ZNF510: variants seen among roughly 807,000 people sequenced by gnomAD.
The protein encoded by ZNF510 is zinc finger protein 510.
In ZNF510, 15 loss-of-function variants were observed where a neutral mutation model predicts 18.1. The observed-to-expected ratio is 0.83, with a 90% CI of 0.55 to 1.28. The LOEUF (loss-of-function observed/expected upper bound fraction) is 1.28. Ranked by LOEUF, ZNF510 falls within the 50% of genes most tolerant of loss-of-function variation. The probability of loss-of-function intolerance (pLI) is 0.00; values close to 1 mark genes in which losing one functional copy is unlikely to be tolerated. For missense variants in ZNF510, 724 were observed against 791.8 expected (o/e 0.91, Z 1.03); for synonymous variants, 261 against 266.4 (o/e 0.98, Z 0.20).
rs1466525375 is a variant in ZNF510, at chr9:96,754,839, A to G, written c.*3939T>C. Among the ~76,000 whole-genome samples the G allele has an allele frequency of 6.6e-6, 1 of 152,230 alleles. No individual in the cohort carries two copies. Among genetic ancestry groups the G allele is most frequent in the Non-Finnish European group, 1.5e-5 (1 of 68,040 alleles). On this transcript the variant is annotated 3_prime_UTR_variant, in exon 6 of 6. Transcript: ENST00000223428. Reference sequence around the variant, plus strand: ...GGACTGCTTCATGTGTTTGAGATACACTGTGAATAAAACAGACAAAAATTC... The same window carrying G: ...GGACTGCTTCATGTGTTTGAGATACGCTGTGAATAAAACAGACAAAAATTC...
In ZNF510 at chr9:96,758,501, A is replaced by G. The variant is rs1165656879; in HGVS notation, c.*277T>C. On this transcript the variant is annotated 3_prime_UTR_variant, in exon 6 of 6. Transcript: ENST00000223428. Reference sequence around the variant, plus strand: ...CCAGCCTGTGTGATGTGTGGGAGCTATCTAATAGGGTATGACTTCATTCAG... The same window carrying G: ...CCAGCCTGTGTGATGTGTGGGAGCTGTCTAATAGGGTATGACTTCATTCAG... The G allele has an allele frequency of 3.1e-5, 10 of 323,030 alleles. No individual in the cohort carries two copies. The highest frequency in any genetic ancestry group is 8.8e-5 in the Admixed American group (2 of 22,782). The allele number at this position is 323,030 out of a possible 1,614,324, so 20.0% of individuals were successfully genotyped here.
chr9:96,763,724 TAA>T, intron 3 of ZNF510, 92 bp from the exon 4 acceptor site: 1 of 1,261,310 alleles, frequency 7.9e-7, no homozygotes, highest in Non-Finnish European at 1.1e-6. Context: ...GGTTTAACTC[TAA>T]AAAGCTTAAA....
chr9:96,765,947 G>T (rs1564438295), intron 3 of ZNF510, among the ~76,000 whole-genome samples: 2 of 152,114 alleles, frequency 1.3e-5, no homozygotes, highest in African/African-American at 4.8e-5. Flanking sequence ...ATTAGTTATG[G>T]TGTTGTTGGC....
At position 96,759,460 on chromosome 9, in the gene ZNF510, T is replaced by C. The variant is rs753087156; in HGVS notation, c.1370A>G (p.Glu457Gly). The C allele has an allele frequency of 2.5e-6, 4 of 1,614,160 alleles. No homozygotes were observed. The change falls in exon 6 of 6, where the codon GAA (glutamate) becomes GGA (glycine). Residue 457 changes from glutamate to glycine, a missense_variant. Transcript: ENST00000223428. ...LSTHQRIHTA[E>G]KPYKCNECGK... ...ACATTCATTACATTTATAGGGTTTTTCTGCTGTATGAATTCTCTGATGAGT... is the reference window on the plus strand; with the variant it reads ...ACATTCATTACATTTATAGGGTTTTCCTGCTGTATGAATTCTCTGATGAGT...
At chr9:96,773,465 G>T (rs1849625128) in intron 3 of ZNF510, among the ~76,000 whole-genome samples, 1 of 152,124 alleles carries the variant, frequency 6.6e-6, no homozygotes, top group African/African-American at 2.4e-5. Context: ...TACAGGAAAA[G>T]AAAATTTGGA....
chr9:96,776,456 C>A (rs1253619058), intron 1 of ZNF510, among the ~76,000 whole-genome samples: 1 of 152,100 alleles, frequency 6.6e-6, no homozygotes, highest in Admixed American at 6.5e-5. Context: ...CACTAGGACA[C>A]CCCTTCTCCC....
chr9:96,763,814 G>A (rs888265595), intron 3 of ZNF510, 182 bp from the exon 4 acceptor site: 1 of 574,224 alleles, frequency 1.7e-6, no homozygotes, highest in Non-Finnish European at 2.7e-6. Context: ...AGTTTTTATA[G>A]GAGAGGTGCA....
At chr9:96,761,914 A>G (rs752338297) in intron 5 of ZNF510, among the ~76,000 whole-genome samples, 8 of 152,166 alleles carry the variant, frequency 5.3e-5, no homozygotes, top group Non-Finnish European at 1.0e-4. Context: ...ATTCCAGAGA[A>G]CATAATCATA....
rs1332713965 is a variant in ZNF510 at position 96,756,525 on chromosome 9, C to T, written c.*2253G>A. The T allele has an allele frequency of 6.6e-6, 1 of 152,226 alleles. No homozygotes were observed. Among genetic ancestry groups the T allele is most frequent in the Non-Finnish European group, 1.5e-5 (1 of 68,052 alleles). 9.4% of individuals were successfully genotyped at this position (152,226 alleles called of 1,614,324 possible). Reference sequence around the variant, plus strand: ...CAGCTGACATACTGTGGGGCCAGGACAGGTGCTTTCCTGAATGCCCCATTT... The same window carrying T: ...CAGCTGACATACTGTGGGGCCAGGATAGGTGCTTTCCTGAATGCCCCATTT... On this transcript the variant is annotated 3_prime_UTR_variant, in exon 6 of 6. Coordinates refer to ENST00000223428, the MANE Select transcript of ZNF510 (RefSeq NM_014930.3).
At chr9:96,773,193 T>C (rs980426190) in intron 3 of ZNF510, among the ~76,000 whole-genome samples, 1 of 152,174 alleles carries the variant, frequency 6.6e-6, no homozygotes, top group Non-Finnish European at 1.5e-5. Context: ...AGGGGAGCAG[T>C]GGTGTTATCT....
rs575047554 is a variant in ZNF510, at chr9:96,763,424, A to T, written c.256+82T>A. 4.8e-5 allele frequency: 71 copies of T among 1,483,208 alleles called. No individual in the cohort carries two copies. In the African/African-American group the frequency reaches 8.2e-4, roughly 17 times the overall value. The allele number at this position is 1,483,208 out of a possible 1,614,324, so 91.9% of individuals were successfully genotyped here. A position where few individuals can be genotyped will look rare whatever the true frequency, so the allele number is the denominator to read the frequency against. On this transcript the variant is annotated intron_variant, in intron 4 of 5. Coordinates refer to ENST00000223428, the MANE Select transcript of ZNF510 (RefSeq NM_014930.3). ...AGCCTAAATAATTTAAACTTTAAGT[A>T]AATTGTTCACATGTATTGGCACTTA...
intron 5 of ZNF510, among the ~76,000 whole-genome samples, chr9:96,761,611 C>T (rs1326558430): frequency 1.3e-5 from 2 of 150,644 alleles, no homozygotes; most frequent in Non-Finnish European, 2.9e-5. Context: ...GCTTAGAATT[C>T]ACCAGTCTCC....
intron 5 of ZNF510, among the ~76,000 whole-genome samples, 181 bp from the exon 6 acceptor site, chr9:96,760,658 A>C (rs1564435245): frequency 6.6e-6 from 1 of 152,140 alleles, no homozygotes; most frequent in Non-Finnish European, 1.5e-5. Context: ...ATATTGATAT[A>C]GTGCAAATGG....
intron 3 of ZNF510, among the ~76,000 whole-genome samples, chr9:96,773,856 G>A (rs913196476): frequency 1.3e-5 from 2 of 152,172 alleles, no homozygotes; most frequent in South Asian, 2.1e-4. Context: ...GATCACAGGC[G>A]TGAGCCACTG....
rs566462373 is a variant in ZNF510, at chr9:96,756,504, T to A, written c.*2274A>T. 1 of 152,328 alleles carries A rather than the reference T, an allele frequency of 6.6e-6. No homozygotes were observed. The highest frequency in any genetic ancestry group is 1.9e-4 in the East Asian group (1 of 5,184). 9.4% of individuals were successfully genotyped at this position (152,328 alleles called of 1,614,324 possible). A position where few individuals can be genotyped will look rare whatever the true frequency, so the allele number is the denominator to read the frequency against. On this transcript the variant is annotated 3_prime_UTR_variant, in exon 6 of 6. Coordinates refer to ENST00000223428, the MANE Select transcript of ZNF510 (RefSeq NM_014930.3). ...CAGCTACTACTATTGCCTATACAGC[T>A]GACATACTGTGGGGCCAGGACAGGT...
rs1334439631 is a variant in ZNF510, at chr9:96,758,352, A to T, written c.*426T>A. ...CTCTTATGTTTCAGACTGGGATGTG[A>T]TATACATCATGGACATCCACATCTT... On this transcript the variant is annotated 3_prime_UTR_variant, in exon 6 of 6. Transcript: ENST00000223428. The T allele has an allele frequency of 1.2e-5, 2 of 160,922 alleles. No homozygotes were observed. Among genetic ancestry groups the T allele is most frequent in the African/African-American group, 4.8e-5 (2 of 41,598 alleles). 10.0% of individuals were successfully genotyped at this position (160,922 alleles called of 1,614,324 possible). A position where few individuals can be genotyped will look rare whatever the true frequency, so the allele number is the denominator to read the frequency against.
Position 96,763,585 on chromosome 9 carries a change from C to G in ZNF510, c.177G>C (p.Glu59Asp). Residue 59 changes from glutamate to aspartate, a missense_variant, in exon 4 of 6, where the codon GAG (glutamate) becomes GAC (aspartate). Transcript: ENST00000223428. Reference sequence around the variant, plus strand: ...TCTGAACAGGGGCCATTTGCTGCCACTCCTCCTGGGTGAATTCTATAGTCA... The same window carrying G: ...TCTGAACAGGGGCCATTTGCTGCCAGTCCTCCTGGGTGAATTCTATAGTCA... ...KDVTIEFTQEEWQQMAPVQKN... is the reference protein window; with the variant it reads ...KDVTIEFTQEDWQQMAPVQKN... 6.2e-7 allele frequency: 1 copy of G among 1,613,606 alleles called. No homozygotes were observed. The highest frequency in any genetic ancestry group is 1.7e-4 in the Middle Eastern group (1 of 6,058).
intron 3 of ZNF510, among the ~76,000 whole-genome samples, chr9:96,768,710 G>C (rs1849527197): frequency 6.6e-6 from 1 of 152,126 alleles, no homozygotes; most frequent in African/African-American, 2.4e-5. Flanking sequence ...TAAATGGAAA[G>C]ACACCTTGTG....
chr9:96,775,941 G>A, intron 2 of ZNF510, 59 bp downstream of exon 2: 2 of 1,561,364 alleles, frequency 1.3e-6, no homozygotes, highest in Non-Finnish European at 8.7e-7. Flanking sequence ...AAGCCCTCCA[G>A]TAATGTGGCT....
Sources: gnomAD v4.1 joint callset for allele counts (sites outside exome capture counted in the v4.1 genomes callset) on GRCh38, gnomAD v4.1.1 for gene constraint, MANE v1.5 for transcripts, NCBI Gene and HGNC (gene_info 2026-07-23, HGNC 2026-07-21) for gene names.